ELMO1: variants seen among roughly 807,000 people sequenced by gnomAD.
The protein encoded by ELMO1 is engulfment and cell motility protein 1.
Under a neutral mutation model 98.9 loss-of-function variants are expected in ELMO1, and 26 were observed. That is an observed-to-expected ratio of 0.26 (90% CI 0.19 to 0.36). ELMO1 has a LOEUF of 0.36. Ranked by LOEUF, ELMO1 falls within the 10% of genes least tolerant of loss-of-function variation. The probability of loss-of-function intolerance (pLI) is 1.00; values close to 1 mark genes in which losing one functional copy is unlikely to be tolerated. For synonymous variants in ELMO1, 346 were observed against 346.0 expected, an observed-to-expected ratio of 1.00 and a Z score of 0.00; for missense variants, 627 against 935.2, an observed-to-expected ratio of 0.67 and a Z score of 4.30.
At chr7:37,124,548 G>T (rs1786353917) in intron 14 of ELMO1, among the ~76,000 whole-genome samples, 1 of 152,134 alleles carries the variant, frequency 6.6e-6, no homozygotes, top group South Asian at 2.1e-4. Context: ...GCTTCAAAGA[G>T]AATAAAATAC....
chr7:37,438,126 C>A (rs774256058), intron 1 of ELMO1, among the ~76,000 whole-genome samples: 1 of 152,130 alleles, frequency 6.6e-6, no homozygotes, highest in Non-Finnish European at 1.5e-5. Flanking sequence ...TCTTTCCCTG[C>A]CAACCCCACC....
chr7:36,887,490 C>T, intron 18 of ELMO1, 70 bp downstream of exon 18: 2 of 1,422,780 alleles, frequency 1.4e-6, no homozygotes, highest in Non-Finnish European at 9.9e-7. Flanking sequence ...AACACCATGC[C>T]CTTGTGATTC....
At chr7:37,290,769 T>C (rs761233963) in intron 4 of ELMO1, among the ~76,000 whole-genome samples, 15 of 152,172 alleles carry the variant, frequency 9.9e-5, no homozygotes, top group Non-Finnish European at 1.9e-4. Flanking sequence ...TTCAATTCAA[T>C]TTTAATCAAA....
chr7:37,070,655 G>A (rs184561192), intron 15 of ELMO1, among the ~76,000 whole-genome samples: 23 of 152,272 alleles, frequency 1.5e-4, no homozygotes, highest in Non-Finnish European at 4.4e-5. Flanking sequence ...GTTTGGTCTG[G>A]CCATTCCTGG....
chr7:37,107,112 C>G (rs560254932), intron 14 of ELMO1, among the ~76,000 whole-genome samples: 2 of 152,126 alleles, frequency 1.3e-5, no homozygotes, highest in Non-Finnish European at 2.9e-5. Context: ...TATTTTTAAG[C>G]AATTATTGCT....
chr7:36,926,603 T>A (rs1785598485), intron 16 of ELMO1, among the ~76,000 whole-genome samples: 2 of 152,078 alleles, frequency 1.3e-5, no homozygotes, highest in Non-Finnish European at 2.9e-5. Flanking sequence ...CCCCTCCTTT[T>A]CCCCTTAGTG....
intron 14 of ELMO1, among the ~76,000 whole-genome samples, chr7:37,123,150 A>C (rs1302288104): frequency 1.3e-5 from 2 of 152,232 alleles, no homozygotes; most frequent in African/African-American, 4.8e-5. Flanking sequence ...GTAGAGGGAA[A>C]TTTATAGCAA....
chr7:37,373,623 T>C (rs935123102), intron 1 of ELMO1, among the ~76,000 whole-genome samples: 2 of 150,876 alleles, frequency 1.3e-5, no homozygotes, highest in Non-Finnish European at 3.0e-5. Flanking sequence ...AAAAAAAAAA[T>C]CCAAGCCTTA....
chr7:37,222,553 G>A lies in ELMO1; in HGVS notation c.780+62C>T, dbSNP rs549372855. ...GAGTCCCCGAATAGAAGGAGAGGGC[G>A]TTCTCTGCACACAAAGTTCCTAGCC... On this transcript the variant is annotated intron_variant, in intron 10 of 21. Coordinates refer to ENST00000310758, the MANE Select transcript of ELMO1 (RefSeq NM_014800.11). The A allele has an allele frequency of 1.2e-4, 184 of 1,511,064 alleles. 1 individual carries two copies. The South Asian group carries it at 1.4e-3, about 11-fold the overall frequency. 93.6% of individuals were successfully genotyped at this position (1,511,064 alleles called of 1,614,324 possible). A position where few individuals can be genotyped will look rare whatever the true frequency, so the allele number is the denominator to read the frequency against.
intron 15 of ELMO1, among the ~76,000 whole-genome samples, chr7:37,077,611 T>C (rs1293706774): frequency 6.6e-6 from 1 of 152,152 alleles, no homozygotes; most frequent in Non-Finnish European, 1.5e-5. Context: ...GGAGTACATA[T>C]GCAGAAAAAT....
At chr7:37,233,555 C>T (rs1342733440) in intron 7 of ELMO1, among the ~76,000 whole-genome samples, 1 of 152,192 alleles carries the variant, frequency 6.6e-6, no homozygotes, top group African/African-American at 2.4e-5. Context: ...CACAGAGCTA[C>T]TTACTTAATA....
At chr7:37,327,962 C>T (rs891845619) in intron 2 of ELMO1, among the ~76,000 whole-genome samples, 1 of 152,176 alleles carries the variant, frequency 6.6e-6, no homozygotes, top group African/African-American at 2.4e-5. Flanking sequence ...ACTTGGCCAG[C>T]CTTTCTAATT....
intron 15 of ELMO1, among the ~76,000 whole-genome samples, chr7:37,036,232 A>G (rs1163080525): frequency 6.6e-6 from 1 of 152,174 alleles, no homozygotes; most frequent in Non-Finnish European, 1.5e-5. Flanking sequence ...AACCATGCAT[A>G]AGTGGACCCA....
At chr7:37,051,924 T>C (rs1796130359) in intron 15 of ELMO1, among the ~76,000 whole-genome samples, 1 of 152,218 alleles carries the variant, frequency 6.6e-6, no homozygotes, top group East Asian at 1.9e-4. Flanking sequence ...TTTTTTGTCA[T>C]ATTTGTTCAT....
intron 16 of ELMO1, among the ~76,000 whole-genome samples, chr7:36,939,273 GC>G (rs1786814269): frequency 6.6e-6 from 1 of 151,778 alleles, no homozygotes; most frequent in Non-Finnish European, 1.5e-5. Flanking sequence ...ACCTAGTCAG[GC>G]TGGGGGCTCA....
At chr7:37,236,222 G>A (rs1332473771) in intron 7 of ELMO1, among the ~76,000 whole-genome samples, 4 of 152,188 alleles carry the variant, frequency 2.6e-5, no homozygotes, top group African/African-American at 9.7e-5. Flanking sequence ...AGAACAGGCT[G>A]CAAGGACTTT....
At chr7:37,415,678 G>A (rs10224389) in intron 1 of ELMO1, among the ~76,000 whole-genome samples, 25,411 of 151,984 alleles carry the variant, frequency 0.17, 2,271 homozygotes, top group South Asian at 0.26. Flanking sequence ...ATTGATACTG[G>A]AAAAGAAAAT....
At chr7:37,192,580 C>T (rs961065661) in intron 13 of ELMO1, among the ~76,000 whole-genome samples, 84 of 151,016 alleles carry the variant, frequency 5.6e-4, no homozygotes, top group Non-Finnish European at 5.9e-5. Context: ...AGGCAGCTCA[C>T]TTAAGGTCAG....
At chr7:37,118,339 G>A (rs1204814749) in intron 14 of ELMO1, among the ~76,000 whole-genome samples, 1 of 152,138 alleles carries the variant, frequency 6.6e-6, no homozygotes, top group African/African-American at 2.4e-5. Flanking sequence ...CACTGGTCCA[G>A]TGCAGTCTGT....
Sources: gnomAD v4.1 joint callset for allele counts (sites outside exome capture counted in the v4.1 genomes callset) on GRCh38, gnomAD v4.1.1 for gene constraint, MANE v1.5 for transcripts, NCBI Gene and HGNC (gene_info 2026-07-23, HGNC 2026-07-21) for gene names.